The following RRP12 variants were observed in gnomAD, a reference collection of about 807,000 sequenced individuals.
The protein encoded by RRP12 is RRP12-like protein.
RRP12 carries 78 observed loss-of-function variants against 157.3 expected under a neutral mutation model. The observed-to-expected ratio is 0.50, with a 90% CI of 0.41 to 0.60. The LOEUF (loss-of-function observed/expected upper bound fraction) is 0.60, where lower values mean the gene tolerates loss of function less well. RRP12 is among the 20% of genes least tolerant of loss of function. The pLI is 0.00. For synonymous variants in RRP12, 726 were observed against 670.9 expected (o/e 1.08, Z -1.27); for missense variants, 1,521 against 1,679.9 (o/e 0.91, Z 1.65).
rs148800614 is a variant in RRP12 at position 97,394,297 on chromosome 10, C to T, written c.454-537G>A. Reference sequence around the variant, plus strand: ...GGCAGAGCTTGCAATGAGCTGAGATCGTGCCACTGCACTCCAGTCTGGGTG... The same window carrying T: ...GGCAGAGCTTGCAATGAGCTGAGATTGTGCCACTGCACTCCAGTCTGGGTG... On this transcript the variant is annotated intron_variant, in intron 3 of 33. Coordinates refer to ENST00000370992, the MANE Select transcript of RRP12 (RefSeq NM_015179.4). 1.7e-3 allele frequency among the ~76,000 whole-genome samples: 256 copies of T among 152,208 alleles called. 1 individual carries two copies. The highest frequency in any genetic ancestry group is 5.7e-3 in the African/African-American group (235 of 41,530).
At chr10:97,376,726 C>T (rs1403811018) in intron 15 of RRP12, among the ~76,000 whole-genome samples, 3 of 152,018 alleles carry the variant, frequency 2.0e-5, no homozygotes, top group Non-Finnish European at 4.4e-5. Flanking sequence ...CCAACGGTAA[C>T]AACCAAAAAT....
At chr10:97,401,046 T>A in intron 1 of RRP12, 47 bp downstream of exon 1, 1 of 1,601,000 alleles carries the variant, frequency 6.2e-7, no homozygotes, top group African/African-American at 1.3e-5. Context: ...GACCCAGGTC[T>A]GCCTGGAACC....
intron 19 of RRP12, 109 bp downstream of exon 19, chr10:97,372,627 T>C: frequency 2.2e-6 from 2 of 912,484 alleles, no homozygotes; most frequent in Non-Finnish European, 3.5e-6. Flanking sequence ...AGTTAATACT[T>C]CAAGGCTTCC....
Position 97,366,530 on chromosome 10 carries a change from G to A in RRP12, c.3307C>T (p.Gln1103Ter), listed in dbSNP as rs1339114709. The change falls in exon 28 of 34, where the codon CAG becomes TAG. Residue 1103 changes from glutamine (Q) to a stop codon, truncating the protein, a stop_gained. Transcript: ENST00000370992. LOFTEE classifies it high-confidence loss of function. ...TCTTTCAGCCATGCCCGGCTCCTCTGTCGTGCCAGCTTCCGCTGCTCCTTG... is the reference window on the plus strand; with the variant it reads ...TCTTTCAGCCATGCCCGGCTCCTCTATCGTGCCAGCTTCCGCTGCTCCTTG... ...RGKEQRKLAR[Q>*]RSRAWLKEGG... is the part of the protein sequence containing the mutation. 6.2e-7 allele frequency: 1 copy of A among 1,613,994 alleles called. No homozygotes were observed. Among genetic ancestry groups the A allele is most frequent in the African/African-American group, 1.3e-5 (1 of 74,942 alleles).
At chr10:97,392,971 G>A (rs1041505262) in intron 4 of RRP12, among the ~76,000 whole-genome samples, 1 of 151,760 alleles carries the variant, frequency 6.6e-6, no homozygotes, top group Non-Finnish European at 1.5e-5. Context: ...GATTACAGGC[G>A]ATCTGCCCAC....
At chr10:97,360,496 G>T in intron 31 of RRP12, 50 bp downstream of exon 31, 2 of 1,436,018 alleles carry the variant, frequency 1.4e-6, no homozygotes, top group Non-Finnish European at 2.0e-6. Context: ...CCTCCCTAAT[G>T]CAGGTGACAG....
intron 2 of RRP12, among the ~76,000 whole-genome samples, chr10:97,397,457 T>C (rs1367774583): frequency 1.3e-5 from 2 of 152,050 alleles, no homozygotes; most frequent in Non-Finnish European, 2.9e-5. Flanking sequence ...CCACCTCGCC[T>C]GGTATATTAT....
intron 15 of RRP12, among the ~76,000 whole-genome samples, chr10:97,375,505 G>A (rs7084654): frequency 0.38 from 58,033 of 151,822 alleles, 11,548 homozygotes; most frequent in African/African-American, 0.5. Context: ...TGTCAGGCAC[G>A]TCTTTGCTAG....
intron 10 of RRP12, among the ~76,000 whole-genome samples, chr10:97,383,186 G>A (rs761937018): frequency 5.3e-5 from 8 of 152,136 alleles, no homozygotes; most frequent in Non-Finnish European, 7.3e-5. Context: ...ATCCCGGGAC[G>A]CACAATGGGG....
intron 8 of RRP12, among the ~76,000 whole-genome samples, chr10:97,387,173 T>C (rs1564765108): frequency 6.6e-6 from 1 of 152,116 alleles, no homozygotes; most frequent in African/African-American, 2.4e-5. Flanking sequence ...TTACTTATAA[T>C]ACGTAATACA....
chr10:97,391,045 TCCCACTA>T (rs1844789887), intron 4 of RRP12, among the ~76,000 whole-genome samples: 1 of 151,908 alleles, frequency 6.6e-6, no homozygotes, highest in Non-Finnish European at 1.5e-5. Flanking sequence ...TCTCTCACCT[TCCCACTA>T]CCCACTCCTA....
At chr10:97,394,382 C>CAT (rs749971583) in intron 3 of RRP12, among the ~76,000 whole-genome samples, 2 of 152,054 alleles carry the variant, frequency 1.3e-5, no homozygotes, top group Admixed American at 1.3e-4. Flanking sequence ...TGTTTATGTG[C>CAT]ATATATATAC....
At chr10:97,357,913 C>T (rs1459960313) in intron 33 of RRP12, among the ~76,000 whole-genome samples, 1 of 149,590 alleles carries the variant, frequency 6.7e-6, no homozygotes, top group Non-Finnish European at 1.5e-5. Flanking sequence ...AAGCCGAGAT[C>T]GTGCCACTGC....
In RRP12 at chr10:97,398,039, A is replaced by ATATATATATATGTAT. The variant is rs1436494245; in HGVS notation, c.370-1739_370-1738insATACATATATATATA. 3.2e-3 allele frequency among the ~76,000 whole-genome samples: 181 copies of ATATATATATATGTAT among 55,994 alleles called. 8 individuals are homozygous for ATATATATATATGTAT. Among genetic ancestry groups the ATATATATATATGTAT allele is most frequent in the Non-Finnish European group, 5.0e-3 (158 of 31,568 alleles). The allele number at this position is 55,994 out of a possible 152,430, so 36.7% of individuals were successfully genotyped here. On this transcript the variant is annotated intron_variant, in intron 2 of 33. Coordinates refer to ENST00000370992, the MANE Select transcript of RRP12 (RefSeq NM_015179.4). ...TATATATATGTATATATATATACGT[A>ATATATATATATGTAT]TTTTTTTTTTTTTTTTTTTTTTTTT...
In RRP12 at chr10:97,369,413, G is replaced by A. The variant is rs370610377; in HGVS notation, c.2955+12C>T. ...CACCCTGCTACCTGCTAAGGGGAACGGGGACACTCACCACCAGCTGCACAT... is the reference window on the plus strand; with the variant it reads ...CACCCTGCTACCTGCTAAGGGGAACAGGGACACTCACCACCAGCTGCACAT... On this transcript the variant is annotated intron_variant, in intron 25 of 33. Transcript: ENST00000370992. The A allele has an allele frequency of 1.5e-5, 24 of 1,610,616 alleles. No individual in the cohort carries two copies. Among genetic ancestry groups the A allele is most frequent in the Middle Eastern group, 3.5e-4 (2 of 5,762 alleles).
At chr10:97,390,564 G>A (rs1480892296) in intron 5 of RRP12, 25 bp from the exon 6 acceptor site, 2 of 1,570,620 alleles carry the variant, frequency 1.3e-6, no homozygotes, top group Non-Finnish European at 1.8e-6. Flanking sequence ...GAGTCCCTCA[G>A]TGCCACCAGC....
intron 3 of RRP12, among the ~76,000 whole-genome samples, chr10:97,394,754 T>C (rs1417824851): frequency 6.6e-6 from 1 of 152,228 alleles, no homozygotes; most frequent in Non-Finnish European, 1.5e-5. Context: ...AAACTTTTTC[T>C]ACGAAGGACC....
chr10:97,358,149 G>A (rs1372206712), intron 33 of RRP12, among the ~76,000 whole-genome samples: 8 of 151,438 alleles, frequency 5.3e-5, no homozygotes, highest in Admixed American at 1.3e-4. Flanking sequence ...CCCAGCCAAC[G>A]CGGTGAAACC....
chr10:97,375,996 C>T (rs996673152), intron 15 of RRP12, among the ~76,000 whole-genome samples: 15 of 152,054 alleles, frequency 9.9e-5, no homozygotes, highest in African/African-American at 3.4e-4. Flanking sequence ...CGAAGCTACT[C>T]AGGAGGCTGA....
Sources: allele counts gnomAD v4.1 joint callset (sites outside exome capture counted in the v4.1 genomes callset), GRCh38; gene constraint gnomAD v4.1.1; transcripts MANE v1.5; gene names NCBI Gene and HGNC (gene_info 2026-07-23, HGNC 2026-07-21).